The following MROH9 variants were observed in gnomAD, a reference collection of about 807,000 sequenced individuals.
MROH9 encodes the protein maestro heat-like repeat-containing protein family member 9.
A neutral mutation model predicts 98.2 loss-of-function variants in MROH9; 92 were observed. The ratio of observed to expected loss-of-function variants is 0.94; its 90% CI spans 0.79 to 1.11. The LOEUF (loss-of-function observed/expected upper bound fraction) is 1.11, where lower values mean the gene tolerates loss of function less well. Among genes scored for constraint, MROH9 ranks in the 50% most tolerant of loss-of-function variants. The pLI is 0.00. For synonymous variants in MROH9, 397 were observed against 368.9 expected (o/e 1.08, Z -0.87); for missense variants, 1,057 against 1,014.8 (o/e 1.04, Z -0.57).
chr1:170,946,758 C>T (rs1649345607), intron 2 of MROH9, among the ~76,000 whole-genome samples: 1 of 151,884 alleles, frequency 6.6e-6, no homozygotes, highest in Non-Finnish European at 1.5e-5. Context: ...GGGCTACCTC[C>T]TCCAAGCAAG....
chr1:170,942,356 C>T (rs1649151335), intron 1 of MROH9, among the ~76,000 whole-genome samples: 1 of 141,248 alleles, frequency 7.1e-6, no homozygotes, highest in Non-Finnish European at 1.5e-5. Context: ...TTTCCTCCGG[C>T]AATGTAGAGT....
At position 171,021,265 on chromosome 1, in the gene MROH9, A is replaced by G. The variant is rs143842425; in HGVS notation, c.1909-3130A>G. 1.4e-4 allele frequency among the ~76,000 whole-genome samples: 22 copies of G among 152,328 alleles called. No individual in the cohort carries two copies. In the East Asian group the frequency reaches 4.2e-3, roughly 29 times the overall value. On this transcript the variant is annotated intron_variant, in intron 17 of 21. Coordinates refer to ENST00000367759, the MANE Select transcript of MROH9 (RefSeq NM_001163629.2). ...ACAGAATTAGAAAAAACTACTTTAA[A>G]TTCCATATGGAAGCAAAAAAGAGCC...
At position 170,996,610 on chromosome 1, in the gene MROH9, C is replaced by G. The variant is rs114209656; in HGVS notation, c.1441C>G (p.Leu481Val). Residue 481 changes from leucine (L) to valine (V), a missense_variant, in exon 14 of 22, where the codon CTG (leucine) becomes GTG (valine). Transcript: ENST00000367759. The stretch of plus-strand genomic sequence containing the variant: ...TTTCTGGGACCAGTTATCTGAAGAT[C>G]TGTGTTACTATCATGGAGTCTGCTT... Reference protein sequence around the residue: ...ENFWDQLSEDLCYYHGVCFIA... With the variant: ...ENFWDQLSEDVCYYHGVCFIA... The G allele has an allele frequency of 2.7e-3, 4,374 of 1,613,496 alleles. 91 individuals carry two copies. In the African/African-American group the frequency reaches 0.049, roughly 18 times the overall value.
chr1:171,029,784 T>C (rs1391001805), intron 20 of MROH9, among the ~76,000 whole-genome samples: 1 of 152,216 alleles, frequency 6.6e-6, no homozygotes, highest in Non-Finnish European at 1.5e-5. Flanking sequence ...TTTCTGGTTT[T>C]GGTATCAGAA....
rs143299091 is a variant in MROH9 at position 171,027,237 on chromosome 1, T to A, written c.2281+1817T>A. On this transcript the variant is annotated intron_variant, in intron 20 of 21. Coordinates refer to ENST00000367759, the MANE Select transcript of MROH9 (RefSeq NM_001163629.2). Reference sequence around the variant, plus strand: ...ACCTCCCAACAGGCTCTGGTGTATGTTGTTCCCCTCCCTTTGTCCATGTGT... The same window carrying A: ...ACCTCCCAACAGGCTCTGGTGTATGATGTTCCCCTCCCTTTGTCCATGTGT... Among the ~76,000 whole-genome samples, 1,119 of 152,276 alleles carry A rather than the reference T, an allele frequency of 7.3e-3. 16 individuals carry two copies. The highest frequency in any genetic ancestry group is 0.025 in the African/African-American group (1,027 of 41,544).
Position 171,019,205 on chromosome 1 carries a change from C to T in MROH9, c.1908+2869C>T, listed in dbSNP as rs531937144. The stretch of plus-strand genomic sequence containing the variant: ...TACATGGAAATTGAACAACCTGCTC[C>T]TGAATGACTCCTGGGTAAATAATGA... On this transcript the variant is annotated intron_variant, in intron 17 of 21. Transcript: ENST00000367759. Among the ~76,000 whole-genome samples the T allele has an allele frequency of 2.0e-5, 3 of 152,324 alleles. No individual in the cohort carries two copies. The South Asian group carries it at 6.2e-4, about 32-fold the overall frequency.
rs1553219583 is a variant in MROH9, at chr1:171,024,303, G to GTT, written c.1909-92_1909-91insTT. 15 of 670,076 alleles carry GTT rather than the reference G, an allele frequency of 2.2e-5. No individual in the cohort carries two copies. In the South Asian group the frequency reaches 2.7e-4, roughly 12 times the overall value. 41.5% of individuals were successfully genotyped at this position (670,076 alleles called of 1,614,324 possible). On this transcript the variant is annotated intron_variant, in intron 17 of 21. Coordinates refer to ENST00000367759, the MANE Select transcript of MROH9 (RefSeq NM_001163629.2). ...ATACATATATAGTATATTTATATGG[G>GTT]GTGTGTGTGTGTGTGTGTGTGTGTG... is the stretch of plus-strand genomic sequence containing the variant.
At chr1:171,043,517 G>T (rs907262974) in intron 20 of MROH9, among the ~76,000 whole-genome samples, 7 of 151,890 alleles carry the variant, frequency 4.6e-5, no homozygotes, top group Non-Finnish European at 1.0e-4. Context: ...TATAAAGAAT[G>T]TCATTGGTAT....
chr1:170,978,777 C>T (rs1403338307), intron 8 of MROH9, among the ~76,000 whole-genome samples: 1 of 152,090 alleles, frequency 6.6e-6, no homozygotes, highest in Non-Finnish European at 1.5e-5. Context: ...AGGACTGAGA[C>T]CTGTGTGGAA....
At chr1:170,986,745 G>T in intron 10 of MROH9, 35 bp downstream of exon 10, 1 of 1,601,226 alleles carries the variant, frequency 6.2e-7, no homozygotes, top group Non-Finnish European at 8.5e-7. Context: ...AGAGCACAGG[G>T]TTTACTCTCT....
intron 8 of MROH9, among the ~76,000 whole-genome samples, chr1:170,978,733 G>C (rs1268720522): frequency 6.6e-6 from 1 of 151,950 alleles, no homozygotes; most frequent in Admixed American, 6.6e-5. Context: ...TTGTGCTGGA[G>C]TCCAAGGTCA....
At chr1:171,045,449 T>G (rs1435603048) in intron 20 of MROH9, among the ~76,000 whole-genome samples, 2 of 152,176 alleles carry the variant, frequency 1.3e-5, no homozygotes, top group East Asian at 3.9e-4. Flanking sequence ...ACTTCTCTCT[T>G]AGTACCGCTT....
chr1:170,958,426 C>CT (rs1649865464), intron 3 of MROH9, 35 bp from the exon 4 acceptor site: 8 of 1,147,026 alleles, frequency 7.0e-6, no homozygotes, highest in East Asian at 5.1e-5. Flanking sequence ...ATCATTAATT[C>CT]TTCTTTTTTT....
intron 20 of MROH9, among the ~76,000 whole-genome samples, chr1:171,035,747 T>C (rs995110752): frequency 2.0e-5 from 3 of 152,152 alleles, no homozygotes; most frequent in African/African-American, 7.2e-5. Context: ...ACATAAAGTG[T>C]AGAATAAAGA....
chr1:171,014,076 C>A (rs1652248730), intron 15 of MROH9, 41 bp from the exon 16 acceptor site: 2 of 1,512,652 alleles, frequency 1.3e-6, no homozygotes, highest in Non-Finnish European at 1.8e-6. Flanking sequence ...CGTGCAGTGG[C>A]CTCTACTTTG....
chr1:170,971,341 G>A (rs114421915), intron 7 of MROH9, among the ~76,000 whole-genome samples: 2,607 of 152,230 alleles, frequency 0.017, 89 homozygotes, highest in African/African-American at 0.06. Context: ...CTAGTGTTTC[G>A]TATGTGAAGA....
At chr1:170,959,885 G>A (rs1012964231) in intron 5 of MROH9, among the ~76,000 whole-genome samples, 1 of 152,166 alleles carries the variant, frequency 6.6e-6, no homozygotes, top group Non-Finnish European at 1.5e-5. Context: ...GAATGGAATA[G>A]GAACATGGAA....
At chr1:170,942,827 G>A (rs1350795493) in intron 1 of MROH9, among the ~76,000 whole-genome samples, 1 of 152,050 alleles carries the variant, frequency 6.6e-6, no homozygotes, top group African/African-American at 2.4e-5. Context: ...AACATAAGCT[G>A]GTGAAGCTGA....
intron 15 of MROH9, among the ~76,000 whole-genome samples, chr1:171,006,490 A>T (rs1651956064): frequency 6.6e-6 from 1 of 151,240 alleles, no homozygotes; most frequent in East Asian, 1.9e-4. Flanking sequence ...CCTCCCCCAC[A>T]CCTCTTTCTG....
Sources: allele counts gnomAD v4.1 joint callset (sites outside exome capture counted in the v4.1 genomes callset), GRCh38; gene constraint gnomAD v4.1.1; transcripts MANE v1.5; gene names NCBI Gene and HGNC (gene_info 2026-07-23, HGNC 2026-07-21).